The following SGSM1 variants were observed in gnomAD, a reference collection of about 807,000 sequenced individuals.
SGSM1 encodes small G protein signaling modulator 1, also known as RUN and TBC1 domain containing 2.
SGSM1 carries 73 observed loss-of-function variants against 133.8 expected under a neutral mutation model. That is an observed-to-expected ratio of 0.55 (90% CI 0.45 to 0.66). The LOEUF (loss-of-function observed/expected upper bound fraction) is 0.66, where lower values mean the gene tolerates loss of function less well. Ranked by LOEUF, SGSM1 falls within the 30% of genes least tolerant of loss-of-function variation. The pLI is 0.00. For missense variants in SGSM1, 1,213 were observed against 1,448.1 expected (o/e 0.84, Z 2.64); for synonymous variants, 563 against 573.0 (o/e 0.98, Z 0.25).
At chr22:24,888,177 A>G (rs542075168) in intron 16 of SGSM1, among the ~76,000 whole-genome samples, 1 of 152,248 alleles carries the variant, frequency 6.6e-6, no homozygotes, top group African/African-American at 2.4e-5. Context: ...TTTCTGCAAA[A>G]CAAATTTTTA....
intron 2 of SGSM1, among the ~76,000 whole-genome samples, chr22:24,811,856 G>A (rs1485901166): frequency 2.2e-5 from 3 of 135,116 alleles, no homozygotes; most frequent in Admixed American, 1.6e-4. Flanking sequence ...GCAACAGAGC[G>A]AGACCCTGTC....
intron 21 of SGSM1, among the ~76,000 whole-genome samples, chr22:24,909,646 G>A (rs907437385): frequency 1.3e-4 from 19 of 151,916 alleles, no homozygotes; most frequent in Admixed American, 2.0e-4. Flanking sequence ...AGTAGAGACG[G>A]GATTTCACCA....
chr22:24,847,602 G>A, intron 3 of SGSM1, 32 bp from the exon 4 acceptor site: 1 of 1,606,810 alleles, frequency 6.2e-7, no homozygotes, highest in South Asian at 1.1e-5. Flanking sequence ...GCATGGGCAG[G>A]GCAGGGTCTG....
intron 2 of SGSM1, among the ~76,000 whole-genome samples, chr22:24,819,604 T>C (rs1038990215): frequency 6.6e-6 from 1 of 152,234 alleles, no homozygotes; most frequent in Non-Finnish European, 1.5e-5. Context: ...TGGCACCAGC[T>C]ATGTGCTGGG....
rs1044864624 is a variant in SGSM1, at chr22:24,817,193, T to A, written c.63+10709T>A. On this transcript the variant is annotated intron_variant, in intron 2 of 24. Coordinates refer to ENST00000400358, the MANE Select transcript of SGSM1 (RefSeq NM_001098497.3). ...ATGCGGGAGGTATACACTCCTGTGC[T>A]CTGTGCCTTCCTACAGTCCCGAGTG... 1.3e-5 allele frequency among the ~76,000 whole-genome samples: 2 copies of A among 152,202 alleles called. 1 individual carries two copies. The highest frequency in any genetic ancestry group is 4.8e-5 in the African/African-American group (2 of 41,444).
At chr22:24,918,940 A>G (rs574024553) in intron 23 of SGSM1, among the ~76,000 whole-genome samples, 18 of 150,474 alleles carry the variant, frequency 1.2e-4, no homozygotes, top group African/African-American at 4.2e-4. Flanking sequence ...AGGTTTCACC[A>G]TATTTGGCCA....
intron 2 of SGSM1, among the ~76,000 whole-genome samples, chr22:24,821,613 G>A (rs75693949): frequency 0.011 from 1,606 of 152,306 alleles, 28 homozygotes; most frequent in African/African-American, 0.036. Flanking sequence ...GTCATGGTGG[G>A]CTGCGGGCAC....
intron 13 of SGSM1, among the ~76,000 whole-genome samples, chr22:24,878,990 C>G (rs1358584254): frequency 6.6e-6 from 1 of 152,232 alleles, no homozygotes. Flanking sequence ...CTGCTTGCTT[C>G]TATGATGGTT....
intron 8 of SGSM1, among the ~76,000 whole-genome samples, chr22:24,858,444 A>C (rs1200530750): frequency 6.6e-6 from 1 of 152,032 alleles, no homozygotes; most frequent in Admixed American, 6.6e-5. Context: ...GCGAAACCCT[A>C]TCTCTACTAA....
At chr22:24,817,005 A>AC (rs1569131373) in intron 2 of SGSM1, among the ~76,000 whole-genome samples, 5 of 152,128 alleles carry the variant, frequency 3.3e-5, no homozygotes, top group East Asian at 1.9e-4. Flanking sequence ...CCACTTGGTC[A>AC]TGGGGGGGTG....
At chr22:24,851,448 G>GA in intron 5 of SGSM1, among the ~76,000 whole-genome samples, 2 of 129,892 alleles carry the variant, frequency 1.5e-5, no homozygotes, top group Non-Finnish European at 3.2e-5. Flanking sequence ...GGGGGGTGGG[G>GA]GGAGAGAGAG....
intron 2 of SGSM1, among the ~76,000 whole-genome samples, chr22:24,810,118 G>A (rs1166719131): frequency 1.3e-5 from 2 of 152,134 alleles, no homozygotes; most frequent in African/African-American, 4.8e-5. Context: ...TATCCCAAAA[G>A]CAAGGGAAAG....
intron 2 of SGSM1, among the ~76,000 whole-genome samples, chr22:24,843,279 G>T (rs1002322579): frequency 6.6e-6 from 1 of 152,134 alleles, no homozygotes; most frequent in African/African-American, 2.4e-5. Flanking sequence ...TGTGTGGGGT[G>T]GGGGTGGTGA....
chr22:24,881,423 G>A (rs1488155463), intron 14 of SGSM1, among the ~76,000 whole-genome samples: 2 of 149,402 alleles, frequency 1.3e-5, no homozygotes, highest in African/African-American at 2.5e-5. Flanking sequence ...AAAATTAGTC[G>A]GGTGTGGTGG....
At chr22:24,812,522 C>A (rs1226923871) in intron 2 of SGSM1, among the ~76,000 whole-genome samples, 1 of 152,116 alleles carries the variant, frequency 6.6e-6, no homozygotes, top group Non-Finnish European at 1.5e-5. Flanking sequence ...TCCCTGGAAA[C>A]ACAGCTTGGC....
intron 2 of SGSM1, among the ~76,000 whole-genome samples, chr22:24,807,249 G>A (rs1216957450): frequency 6.6e-6 from 1 of 152,142 alleles, no homozygotes; most frequent in African/African-American, 2.4e-5. Flanking sequence ...TCGATGCCTG[G>A]ACTGCGTGCT....
chr22:24,825,200 G>A (rs1928729743), intron 2 of SGSM1, among the ~76,000 whole-genome samples: 1 of 152,194 alleles, frequency 6.6e-6, no homozygotes, highest in South Asian at 2.1e-4. Flanking sequence ...TGGTATGGAA[G>A]TGAGCACATA....
intron 13 of SGSM1, 97 bp from the exon 14 acceptor site, chr22:24,879,365 A>T: frequency 1.8e-6 from 2 of 1,135,308 alleles, no homozygotes; most frequent in Non-Finnish European, 2.6e-6. Context: ...GGCTGATATT[A>T]ATCTGCCCTC....
intron 21 of SGSM1, among the ~76,000 whole-genome samples, chr22:24,912,390 G>T (rs1933659010): frequency 6.6e-6 from 1 of 152,130 alleles, no homozygotes; most frequent in South Asian, 2.1e-4. Flanking sequence ...GAAAAATAAA[G>T]CCTTTTGGCC....
Sources: allele counts gnomAD v4.1 joint callset (sites outside exome capture counted in the v4.1 genomes callset), GRCh38; gene constraint gnomAD v4.1.1; transcripts MANE v1.5; gene names NCBI Gene and HGNC (gene_info 2026-07-23, HGNC 2026-07-21).